NDUFAF5: variants seen among roughly 807,000 people sequenced by gnomAD.
NDUFAF5 encodes the protein NADH:ubiquinone oxidoreductase complex assembly factor 5.
A neutral mutation model predicts 48.9 loss-of-function variants in NDUFAF5; 34 were observed. That is an observed-to-expected ratio of 0.70 (90% CI 0.53 to 0.93). NDUFAF5 has a LOEUF of 0.93. NDUFAF5 is among the 40% of genes least tolerant of loss of function. The pLI is 0.00. For missense variants in NDUFAF5, 428 were observed against 427.5 expected, an observed-to-expected ratio of 1.00 and a Z score of -0.01; for synonymous variants, 153 against 150.6, an observed-to-expected ratio of 1.02 and a Z score of -0.12.
chr20:13,796,023 A>G (rs1247928926), intron 5 of NDUFAF5, among the ~76,000 whole-genome samples: 2 of 152,106 alleles, frequency 1.3e-5, no homozygotes, highest in African/African-American at 4.8e-5. Context: ...AACTCAGTCT[A>G]ACAGAAAAAA....
chr20:13,806,540 C>T (rs1482498286), intron 7 of NDUFAF5, among the ~76,000 whole-genome samples: 1 of 152,024 alleles, frequency 6.6e-6, no homozygotes, highest in Non-Finnish European at 1.5e-5. Flanking sequence ...AAAAATGGTG[C>T]AGATATGGTC....
rs1265268040 is a variant in NDUFAF5 at position 13,788,651 on chromosome 20, A to T, written c.326A>T (p.Lys109Met). The T allele has an allele frequency of 1.9e-6, 3 of 1,599,180 alleles. No homozygotes were observed. The highest frequency in any genetic ancestry group is 2.6e-6 in the Non-Finnish European group (3 of 1,166,726). ...GRGYIAQYLN[K>M]ETIGKFFQAD... ...GGTTACATTGCACAATATTTGAATAAGGTATATTTATTCAATGACCTAATT... is the reference window on the plus strand; with the variant it reads ...GGTTACATTGCACAATATTTGAATATGGTATATTTATTCAATGACCTAATT... Residue 109 changes from lysine to methionine, a missense_variant and splice_region_variant, in exon 3 of 11, where the codon AAG (lysine) becomes ATG (methionine). Transcript: ENST00000378106.
intron 8 of NDUFAF5, among the ~76,000 whole-genome samples, chr20:13,811,343 A>G (rs1985838998): frequency 6.6e-6 from 1 of 152,200 alleles, no homozygotes; most frequent in Non-Finnish European, 1.5e-5. Flanking sequence ...TACAAGTGAT[A>G]ATGGTCTGGG....
intron 7 of NDUFAF5, among the ~76,000 whole-genome samples, chr20:13,805,679 C>A (rs1286695274): frequency 6.6e-6 from 1 of 152,110 alleles, no homozygotes; most frequent in Admixed American, 6.5e-5. Flanking sequence ...TTGTTCACTC[C>A]CATAATCTCA....
At chr20:13,801,716 C>A in intron 7 of NDUFAF5, 33 bp downstream of exon 7, 1 of 1,567,352 alleles carries the variant, frequency 6.4e-7, no homozygotes, top group South Asian at 1.1e-5. Context: ...CCATAACTTA[C>A]ACAGTTCAAA....
At chr20:13,810,916 G>A (rs888626528) in intron 8 of NDUFAF5, among the ~76,000 whole-genome samples, 4 of 152,150 alleles carry the variant, frequency 2.6e-5, no homozygotes, top group African/African-American at 9.7e-5. Flanking sequence ...TATATGCTAA[G>A]AATGAAAGGG....
chr20:13,804,073 G>A (rs6110048), intron 7 of NDUFAF5, among the ~76,000 whole-genome samples: 67,289 of 151,968 alleles, frequency 0.44, 15,274 homozygotes, highest in Middle Eastern at 0.52. Flanking sequence ...GGCATGAGCC[G>A]CTGCGTCTGG....
intron 5 of NDUFAF5, 34 bp downstream of exon 5, chr20:13,794,975 T>C (rs897579404): frequency 1.4e-6 from 2 of 1,392,292 alleles, no homozygotes; most frequent in Non-Finnish European, 2.0e-6. Flanking sequence ...CCATATGTTA[T>C]AAACAGATCA....
intron 1 of NDUFAF5, among the ~76,000 whole-genome samples, 190 bp downstream of exon 1, chr20:13,785,480 A>AT (rs1485723587): frequency 6.6e-6 from 1 of 152,198 alleles, no homozygotes; most frequent in Admixed American, 6.5e-5. Context: ...GCTTTCATTC[A>AT]TTCATGCATT....
At chr20:13,801,801 T>C in intron 7 of NDUFAF5, 118 bp downstream of exon 7, 1 of 834,182 alleles carries the variant, frequency 1.2e-6, no homozygotes, top group Non-Finnish European at 1.9e-6. Flanking sequence ...CTCTCCCTTT[T>C]TTTTTCTCTT....
rs758345770 is a variant in NDUFAF5 at position 13,817,576 on chromosome 20, T to C, written c.*366T>C. The C allele has an allele frequency of 2.2e-5, 10 of 460,534 alleles. No homozygotes were observed. The highest frequency in any genetic ancestry group is 3.5e-5 in the Non-Finnish European group (8 of 231,518). 28.5% of individuals were successfully genotyped at this position (460,534 alleles called of 1,614,324 possible). A position where few individuals can be genotyped will look rare whatever the true frequency, so the allele number is the denominator to read the frequency against. ...TTTGCCTTGAAGAGGAACAGATGAA[T>C]ATGCACCTTCTCCAGAGTTATGTGG... On this transcript the variant is annotated 3_prime_UTR_variant, in exon 11 of 11. Transcript: ENST00000378106.
intron 8 of NDUFAF5, 72 bp downstream of exon 8, chr20:13,808,974 A>G: frequency 1.0e-6 from 1 of 996,716 alleles, no homozygotes; most frequent in South Asian, 1.3e-5. Flanking sequence ...TTTAGACTCC[A>G]TTTGAGAGAA....
In NDUFAF5 at chr20:13,794,806, G is replaced by A. The variant is rs769702775; in HGVS notation, c.376-32G>A. ...TTAGTAATTGAGATTCTACATAAAT[G>A]TGATTTTGATCTTTCGTTTTCTTAA... On this transcript the variant is annotated intron_variant, in intron 4 of 10. Coordinates refer to ENST00000378106, the MANE Select transcript of NDUFAF5 (RefSeq NM_024120.5). The A allele has an allele frequency of 9.7e-6, 12 of 1,242,776 alleles. No individual in the cohort carries two copies. The Admixed American group carries it at 2.1e-4, about 21-fold the overall frequency. 77.0% of individuals were successfully genotyped at this position (1,242,776 alleles called of 1,614,324 possible).
At chr20:13,808,483 A>T (rs1401098648) in intron 7 of NDUFAF5, among the ~76,000 whole-genome samples, 3 of 152,142 alleles carry the variant, frequency 2.0e-5, no homozygotes, top group South Asian at 2.1e-4. Context: ...GTCCAGGGAC[A>T]TGTAGTCAGA....
At chr20:13,786,379 C>T (rs1054021017) in intron 1 of NDUFAF5, among the ~76,000 whole-genome samples, 2 of 152,116 alleles carry the variant, frequency 1.3e-5, no homozygotes, top group Non-Finnish European at 1.5e-5. Context: ...CTGCTGATGT[C>T]GTGTACTTAG....
At position 13,799,599 on chromosome 20, in the gene NDUFAF5, T is replaced by C. The variant is rs142559133; in HGVS notation, c.519+1099T>C. 3.8e-3 allele frequency among the ~76,000 whole-genome samples: 573 copies of C among 151,820 alleles called. 3 individuals carry two copies. The highest frequency in any genetic ancestry group is 0.013 in the African/African-American group (525 of 41,372). Reference sequence around the variant, plus strand: ...TTGTAATCCCAGCTACTTGGGATGCTGAGGCAGGAGATTCTCTTGAACACG... The same window carrying C: ...TTGTAATCCCAGCTACTTGGGATGCCGAGGCAGGAGATTCTCTTGAACACG... On this transcript the variant is annotated intron_variant, in intron 6 of 10. Transcript: ENST00000378106.
chr20:13,789,910 T>TA (rs1467788486), intron 3 of NDUFAF5, among the ~76,000 whole-genome samples: 2 of 152,132 alleles, frequency 1.3e-5, no homozygotes, highest in Non-Finnish European at 2.9e-5. Context: ...GTGCAGTCAT[T>TA]AAAGTGCAAC....
At chr20:13,814,421 A>C in intron 8 of NDUFAF5, 1 of 1,286,152 alleles carries the variant, frequency 7.8e-7, no homozygotes, top group Non-Finnish European at 1.0e-6. Flanking sequence ...TTCACAGAAC[A>C]AAAGTCCAGA....
At chr20:13,810,676 A>G (rs186175055) in intron 8 of NDUFAF5, among the ~76,000 whole-genome samples, 1 of 152,110 alleles carries the variant, frequency 6.6e-6, no homozygotes, top group African/African-American at 2.4e-5. Flanking sequence ...GTGCTTTCCT[A>G]GAAGAGGTGA....
Sources: gnomAD v4.1 joint callset for allele counts (sites outside exome capture counted in the v4.1 genomes callset) on GRCh38, gnomAD v4.1.1 for gene constraint, MANE v1.5 for transcripts, NCBI Gene and HGNC (gene_info 2026-07-23, HGNC 2026-07-21) for gene names.